Variants in KRABD5 observed in about 807,000 individuals in gnomAD.
The protein encoded by KRABD5 is KRAB domain containing 5, also known as KRAB domain-containing protein 5.
At chr16:31,750,580 G>C in the KRABD5 span, among the ~76,000 whole-genome samples, 2 of 152,102 alleles carry the variant, frequency 1.3e-5, no homozygotes, top group African/African-American at 4.8e-5. Flanking sequence ...GAAGTGGTGA[G>C]AGAGGGTGTT....
the KRABD5 span, among the ~76,000 whole-genome samples, chr16:31,741,188 A>G: frequency 2.0e-5 from 3 of 152,158 alleles, no homozygotes; most frequent in African/African-American, 7.2e-5. Context: ...TATATGTACC[A>G]CATTTTCTTT....
chr16:31,724,457 G>A, the KRABD5 span, among the ~76,000 whole-genome samples: 28 of 152,012 alleles, frequency 1.8e-4, no homozygotes, highest in African/African-American at 6.8e-4. Context: ...GGAGGCCGAT[G>A]CAGGCGGATC....
At chr16:31,716,941 T>C in the KRABD5 span, among the ~76,000 whole-genome samples, 8 of 152,182 alleles carry the variant, frequency 5.3e-5, no homozygotes, top group East Asian at 1.4e-3. Context: ...TTTGGAAATA[T>C]GTCTAAATCA....
At chr16:31,736,382 G>T in the KRABD5 span, among the ~76,000 whole-genome samples, 5 of 148,558 alleles carry the variant, frequency 3.4e-5, no homozygotes, top group Non-Finnish European at 7.4e-5. Context: ...GGCTATTCAG[G>T]GTATTTTGTG....
At chr16:31,731,647 G>C in the KRABD5 span, among the ~76,000 whole-genome samples, 1 of 152,176 alleles carries the variant, frequency 6.6e-6, no homozygotes, top group Admixed American at 6.5e-5. Context: ...ACTGCTCCCA[G>C]ACCCTGGCTG....
chr16:31,714,748 G>T, the KRABD5 span, among the ~76,000 whole-genome samples: 2 of 152,204 alleles, frequency 1.3e-5, no homozygotes, highest in African/African-American at 2.4e-5. Context: ...GGAGCCCTTT[G>T]TTACTGGGAG....
chr16:31,733,683 TAA>T, the KRABD5 span: 1 of 454,098 alleles, frequency 2.2e-6, no homozygotes, highest in Non-Finnish European at 4.4e-6. Context: ...TCACCTGACA[TAA>T]TGTCCTCAAG....
At chr16:31,719,097 T>G in the KRABD5 span, among the ~76,000 whole-genome samples, 1 of 152,326 alleles carries the variant, frequency 6.6e-6, no homozygotes, top group East Asian at 1.9e-4. Context: ...AGAAAAACAT[T>G]TGTAGCAGCC....
the KRABD5 span, among the ~76,000 whole-genome samples, chr16:31,747,232 C>T: frequency 1.4e-5 from 2 of 147,502 alleles, no homozygotes; most frequent in African/African-American, 2.5e-5. Context: ...TGAGTGAGAA[C>T]ATGTGGTGTT....
chr16:31,733,917 G>A, the KRABD5 span, among the ~76,000 whole-genome samples: 5 of 152,116 alleles, frequency 3.3e-5, no homozygotes, highest in South Asian at 2.1e-4. Flanking sequence ...TTGGATACAC[G>A]GATGTAGTAC....
chr16:31,726,170 T>G, the KRABD5 span, among the ~76,000 whole-genome samples: 1 of 152,350 alleles, frequency 6.6e-6, no homozygotes, highest in Non-Finnish European at 1.5e-5. Flanking sequence ...GGTATAAATG[T>G]TCAATTTCAT....
At chr16:31,754,776 A>G in the KRABD5 span, 2 of 463,692 alleles carry the variant, frequency 4.3e-6, no homozygotes, top group Non-Finnish European at 8.8e-6. Flanking sequence ...AAGATAATCC[A>G]TAATGAAGAG....
the KRABD5 span, among the ~76,000 whole-genome samples, chr16:31,737,406 T>C: frequency 6.6e-6 from 1 of 152,186 alleles, no homozygotes; most frequent in Non-Finnish European, 1.5e-5. Flanking sequence ...TGTGTGCTGA[T>C]AGAAAACCAT....
At chr16:31,721,013 A>G in the KRABD5 span, among the ~76,000 whole-genome samples, 2 of 152,240 alleles carry the variant, frequency 1.3e-5, no homozygotes, top group East Asian at 3.8e-4. Context: ...TCAGAGAAAG[A>G]TAACAACAAT....
At chr16:31,718,333 T>G in the KRABD5 span, among the ~76,000 whole-genome samples, 1 of 152,178 alleles carries the variant, frequency 6.6e-6, no homozygotes, top group East Asian at 1.9e-4. Context: ...CCACCTGGGA[T>G]CCACAAGACA....
the KRABD5 span, chr16:31,755,856 G>A: frequency 4.0e-6 from 1 of 252,664 alleles, no homozygotes; most frequent in Admixed American, 5.1e-5. Context: ...AATGTGTCAG[G>A]ACTTACACAA....
At chr16:31,724,504 G>A in the KRABD5 span, among the ~76,000 whole-genome samples, 3 of 151,642 alleles carry the variant, frequency 2.0e-5, no homozygotes, top group Non-Finnish European at 4.4e-5. Flanking sequence ...TGGCTAACAC[G>A]ATGAAACCCC....
chr16:31,748,024 G>A, the KRABD5 span, among the ~76,000 whole-genome samples: 1 of 152,092 alleles, frequency 6.6e-6, no homozygotes, highest in Non-Finnish European at 1.5e-5. Flanking sequence ...TTTGTCTTTT[G>A]TTGCCATTGC....
chr16:31,720,920 A>G, the KRABD5 span, among the ~76,000 whole-genome samples: 1 of 152,176 alleles, frequency 6.6e-6, no homozygotes, highest in African/African-American at 2.4e-5. Flanking sequence ...GAAACTGGAA[A>G]TTCTGAAACA....
Sources: allele counts gnomAD v4.1 joint callset (sites outside exome capture counted in the v4.1 genomes callset), GRCh38; gene constraint gnomAD v4.1.1; transcripts MANE v1.5; gene names NCBI Gene and HGNC (gene_info 2026-07-23, HGNC 2026-07-21).